LGMN: variants seen among roughly 807,000 people sequenced by gnomAD.
LGMN encodes the protein asparaginyl endopeptidase.
In LGMN, 36 loss-of-function variants were observed where a neutral mutation model predicts 56.8. The ratio of observed to expected loss-of-function variants is 0.63; its 90% CI spans 0.49 to 0.84. LGMN has a LOEUF of 0.84. Among genes scored for constraint, LGMN ranks in the 40% least tolerant of loss-of-function variants. The probability of loss-of-function intolerance (pLI) is 0.00; values close to 1 mark genes in which losing one functional copy is unlikely to be tolerated. For synonymous variants in LGMN, 199 were observed against 210.1 expected, an observed-to-expected ratio of 0.95 and a Z score of 0.46; for missense variants, 446 against 556.1, an observed-to-expected ratio of 0.80 and a Z score of 1.99.
rs747666297 is a variant in LGMN at position 92,732,687 on chromosome 14, C to T, written c.100G>A (p.Val34Met). The change falls in exon 2 of 14, where the codon GTG (valine) becomes ATG (methionine). Residue 34 changes from valine to methionine, a missense_variant. By Grantham distance (21) the Val-to-Met change is conservative. Coordinates refer to ENST00000334869, the MANE Select transcript of LGMN (RefSeq NM_005606.7). ...TTATACCAGCCATTTGAACCTGCCACGATCACCACCCAGTGCTTGCCTCCA... is the reference window on the plus strand; with the variant it reads ...TTATACCAGCCATTTGAACCTGCCATGATCACCACCCAGTGCTTGCCTCCA... The part of the protein sequence containing the change: ...EDGGKHWVVI[V>M]AGSNGWYNYR... The T allele has an allele frequency of 5.0e-6, 8 of 1,614,160 alleles. No homozygotes were observed. The African/African-American group carries it at 5.3e-5, about 11-fold the overall frequency.
intron 1 of LGMN, among the ~76,000 whole-genome samples, chr14:92,736,479 C>G (rs536289203): frequency 6.6e-6 from 1 of 152,078 alleles, no homozygotes; most frequent in East Asian, 1.9e-4. Flanking sequence ...ACCTGTAATC[C>G]CAGCTACTCA....
At chr14:92,719,272 GCCGCCA>G (rs1415774784) in intron 2 of LGMN, among the ~76,000 whole-genome samples, 998 of 16,538 alleles carry the variant, frequency 0.06, 28 homozygotes, top group African/African-American at 0.16. Flanking sequence ...CACCGCCGCC[GCCGCCA>G]CCGCCGCCGC....
At chr14:92,720,204 C>T (rs559345913) in intron 2 of LGMN, among the ~76,000 whole-genome samples, 2 of 152,334 alleles carry the variant, frequency 1.3e-5, no homozygotes, top group Admixed American at 6.5e-5. Context: ...TATTGACTTG[C>T]TTCTATTTGT....
chr14:92,745,169 G>A (rs558800872), intron 1 of LGMN, among the ~76,000 whole-genome samples: 21 of 152,140 alleles, frequency 1.4e-4, no homozygotes, highest in East Asian at 5.8e-4. Flanking sequence ...CAAAAATGTC[G>A]CTCAATGCTT....
chr14:92,709,574 G>T (rs1889631819), intron 11 of LGMN, 98 bp downstream of exon 11: 8 of 962,360 alleles, frequency 8.3e-6, no homozygotes, highest in Non-Finnish European at 1.3e-5. Flanking sequence ...CCATACTCCT[G>T]TGTGGCAGGG....
intron 1 of LGMN, chr14:92,743,123 C>T (rs937232177): frequency 3.3e-5 from 5 of 151,950 alleles, no homozygotes; most frequent in African/African-American, 9.7e-5. Flanking sequence ...CCTTCACAGT[C>T]CATCTGTGAA....
intron 1 of LGMN, among the ~76,000 whole-genome samples, chr14:92,736,755 G>A (rs1322670424): frequency 6.6e-6 from 1 of 152,034 alleles, no homozygotes; most frequent in Non-Finnish European, 1.5e-5. Flanking sequence ...AACCTCCTGG[G>A]ACTGCAGCCC....
chr14:92,728,249 C>T (rs1207381361), intron 2 of LGMN, among the ~76,000 whole-genome samples: 3 of 152,170 alleles, frequency 2.0e-5, no homozygotes, highest in Admixed American at 6.6e-5. Context: ...GATCACTAGG[C>T]ATTAGTTAGA....
chr14:92,705,677 G>A (rs1356035731), intron 12 of LGMN, among the ~76,000 whole-genome samples: 1 of 151,944 alleles, frequency 6.6e-6, no homozygotes, highest in African/African-American at 2.4e-5. Context: ...GCCCAGGCTG[G>A]AGTATAGTGG....
chr14:92,737,386 C>G (rs1349501243), intron 1 of LGMN, among the ~76,000 whole-genome samples: 1 of 152,102 alleles, frequency 6.6e-6, no homozygotes, highest in African/African-American at 2.4e-5. Flanking sequence ...AAAGCATGCC[C>G]AATACAGAAC....
intron 2 of LGMN, among the ~76,000 whole-genome samples, chr14:92,719,266 G>GCCGCCGCCACCGCCGCCGCCA (rs1890290672): frequency 1.0e-4 from 1 of 9,910 alleles, no homozygotes; most frequent in Non-Finnish European, 2.1e-4. Context: ...CACCGCCACC[G>GCCGCCGCCACCGCCGCCGCCA]CCGCCGCCGC....
At chr14:92,727,429 CAAA>C (rs35889328) in intron 2 of LGMN, among the ~76,000 whole-genome samples, 5 of 47,986 alleles carry the variant, frequency 1.0e-4, no homozygotes, top group East Asian at 1.1e-3. Context: ...GACTGCCTCA[CAAA>C]AAAAAAAAAA....
rs542324304 is a variant in LGMN, at chr14:92,716,631, TCAAA to T, written c.319-414_319-411del. Among the ~76,000 whole-genome samples the T allele has an allele frequency of 1.4e-4, 21 of 152,308 alleles. No individual in the cohort carries two copies. The South Asian group carries it at 1.9e-3, about 14-fold the overall frequency. ...CTGGGTAACAGTGCAAGACTCCATCTCAAACAAACAAACACTATACAGAAACAAT... is the reference window on the plus strand; with the variant it reads ...CTGGGTAACAGTGCAAGACTCCATCTCAAACAAACACTATACAGAAACAAT... On this transcript the variant is annotated intron_variant, in intron 4 of 13. Transcript: ENST00000334869.
intron 2 of LGMN, among the ~76,000 whole-genome samples, chr14:92,724,949 A>G (rs1890671362): frequency 6.6e-6 from 1 of 152,240 alleles, no homozygotes; most frequent in East Asian, 1.9e-4. Context: ...ACAGCTGAGC[A>G]GTGCTGAGGT....
intron 2 of LGMN, among the ~76,000 whole-genome samples, chr14:92,730,316 C>T (rs1277800941): frequency 6.6e-6 from 1 of 152,108 alleles, no homozygotes; most frequent in African/African-American, 2.4e-5. Context: ...GGCTAACATA[C>T]AAAAACGATT....
intron 2 of LGMN, among the ~76,000 whole-genome samples, chr14:92,728,939 T>A (rs1033084393): frequency 1.3e-5 from 2 of 152,132 alleles, no homozygotes; most frequent in Non-Finnish European, 2.9e-5. Context: ...AACTGAGCCC[T>A]GCACACAGGA....
chr14:92,726,636 G>C (rs1243265605), intron 2 of LGMN, among the ~76,000 whole-genome samples: 1 of 152,198 alleles, frequency 6.6e-6, no homozygotes, highest in Non-Finnish European at 1.5e-5. Context: ...AAGAAAGGGA[G>C]AGTTGCTGAC....
chr14:92,744,739 G>A (rs901744406), intron 1 of LGMN, among the ~76,000 whole-genome samples: 1 of 151,948 alleles, frequency 6.6e-6, no homozygotes, highest in South Asian at 2.1e-4. Flanking sequence ...GGGATTACAG[G>A]CATGCACCAC....
intron 2 of LGMN, among the ~76,000 whole-genome samples, chr14:92,729,606 C>G (rs774216083): frequency 3.3e-5 from 5 of 151,942 alleles, no homozygotes; most frequent in Non-Finnish European, 5.9e-5. Flanking sequence ...TTTATTTGTG[C>G]CTGGTGTGCC....
Sources: gnomAD v4.1 joint callset for allele counts (sites outside exome capture counted in the v4.1 genomes callset) on GRCh38, gnomAD v4.1.1 for gene constraint, MANE v1.5 for transcripts, NCBI Gene and HGNC (gene_info 2026-07-23, HGNC 2026-07-21) for gene names.